Variants in AFAP1 observed in about 807,000 individuals in gnomAD.
The protein encoded by AFAP1 is actin filament associated protein 1, also known as actin filament-associated protein 1.
A neutral mutation model predicts 93.9 loss-of-function variants in AFAP1; 75 were observed. The observed-to-expected ratio is 0.80, with a 90% CI of 0.66 to 0.97. The LOEUF is 0.97. AFAP1 is among the 50% of genes least tolerant of loss of function. AFAP1 has a pLI of 0.00. For synonymous variants in AFAP1, 517 were observed against 430.7 expected, an observed-to-expected ratio of 1.20 and a Z score of -2.48; for missense variants, 1,201 against 1,050.8, an observed-to-expected ratio of 1.14 and a Z score of -1.98.
intron 2 of AFAP1, 122 bp from the exon 3 acceptor site, chr4:7,868,841 C>G: frequency 1.2e-6 from 1 of 832,094 alleles, no homozygotes; most frequent in Admixed American, 2.4e-5. Context: ...TTCTCTAATC[C>G]TTTACAACAG....
intron 16 of AFAP1, among the ~76,000 whole-genome samples, chr4:7,770,265 G>A (rs531931108): frequency 1.3e-5 from 2 of 152,330 alleles, no homozygotes; most frequent in South Asian, 4.1e-4. Context: ...CTGGAGAAGG[G>A]GCCAGAGGGA....
intron 3 of AFAP1, among the ~76,000 whole-genome samples, chr4:7,862,773 A>C (rs77205910): frequency 0.1 from 15,965 of 152,154 alleles, 1,163 homozygotes; most frequent in African/African-American, 0.21. Flanking sequence ...TATGTCCAGA[A>C]AATGCCTTGA....
At chr4:7,914,309 C>G (rs184567453) in intron 1 of AFAP1, among the ~76,000 whole-genome samples, 1 of 152,184 alleles carries the variant, frequency 6.6e-6, no homozygotes, top group Non-Finnish European at 1.5e-5. Flanking sequence ...CCCACCTCGG[C>G]CTCCCACAGT....
chr4:7,856,822 C>T (rs2149145194), intron 3 of AFAP1, among the ~76,000 whole-genome samples: 1 of 152,308 alleles, frequency 6.6e-6, no homozygotes, highest in East Asian at 1.9e-4. Context: ...AGCCAGCATT[C>T]GCCCAGCATC....
chr4:7,899,282 C>T (rs1258981955), intron 1 of AFAP1, among the ~76,000 whole-genome samples: 1 of 152,082 alleles, frequency 6.6e-6, no homozygotes, highest in Non-Finnish European at 1.5e-5. Flanking sequence ...TTTGCTTCCC[C>T]CAGGACCCCC....
intron 1 of AFAP1, among the ~76,000 whole-genome samples, chr4:7,886,751 G>A (rs1264992588): frequency 2.6e-5 from 4 of 152,206 alleles, no homozygotes; most frequent in Non-Finnish European, 2.9e-5. Context: ...TATACAGAAC[G>A]TGATAATGGG....
intron 6 of AFAP1, among the ~76,000 whole-genome samples, chr4:7,836,179 C>A (rs1712274468): frequency 6.6e-6 from 1 of 152,168 alleles, no homozygotes; most frequent in Non-Finnish European, 1.5e-5. Context: ...ACATGTAAAC[C>A]TTCAGGACCC....
intron 4 of AFAP1, among the ~76,000 whole-genome samples, chr4:7,852,997 T>A (rs1299999272): frequency 5.3e-5 from 8 of 152,146 alleles, no homozygotes; most frequent in Non-Finnish European, 1.0e-4. Context: ...CAATGGTGAA[T>A]CACGTTAGGC....
At chr4:7,863,730 C>T (rs1021655747) in intron 3 of AFAP1, among the ~76,000 whole-genome samples, 1 of 152,100 alleles carries the variant, frequency 6.6e-6, no homozygotes, top group African/African-American at 2.4e-5. Context: ...AGGTATGAAG[C>T]ACTATTAGAC....
chr4:7,787,835 C>T (rs1274180309), intron 11 of AFAP1, among the ~76,000 whole-genome samples: 1 of 152,178 alleles, frequency 6.6e-6, no homozygotes, highest in African/African-American at 2.4e-5. Context: ...CTGTGGCTTC[C>T]TGCGCTCGGT....
chr4:7,893,399 T>C (rs1228378800), intron 1 of AFAP1, among the ~76,000 whole-genome samples: 1 of 151,942 alleles, frequency 6.6e-6, no homozygotes, highest in East Asian at 1.9e-4. Context: ...GCTAACATGG[T>C]GAAACCCCGT....
rs1326780840 is a variant in AFAP1 at position 7,760,049 on chromosome 4, C to T, written c.*3716G>A. The T allele has an allele frequency of 1.3e-5, 2 of 152,220 alleles. No individual in the cohort carries two copies. The highest frequency in any genetic ancestry group is 2.9e-5 in the Non-Finnish European group (2 of 68,026). 9.4% of individuals were successfully genotyped at this position (152,220 alleles called of 1,614,324 possible). A position where few individuals can be genotyped will look rare whatever the true frequency, so the allele number is the denominator to read the frequency against. On this transcript the variant is annotated 3_prime_UTR_variant, in exon 18 of 18. Transcript: ENST00000420658. ...TGGAAAGGGAAGGTGTGGCCACAAA[C>T]AGGGGAGCTTTGCTCACAACCCTAC...
intron 9 of AFAP1, among the ~76,000 whole-genome samples, chr4:7,806,500 C>G (rs532750317): frequency 6.6e-6 from 1 of 152,324 alleles, no homozygotes; most frequent in East Asian, 1.9e-4. Context: ...GGCTCAGCAG[C>G]ACTGCACTTC....
chr4:7,772,393 CT>C (rs1715561957), intron 16 of AFAP1: 1 of 156,476 alleles, frequency 6.4e-6, no homozygotes, highest in South Asian at 2.0e-4. Context: ...CCACTTTGTT[CT>C]GTTTGATTCT....
At chr4:7,841,038 A>C (rs567495681) in intron 5 of AFAP1, among the ~76,000 whole-genome samples, 1 of 152,348 alleles carries the variant, frequency 6.6e-6, no homozygotes, top group South Asian at 2.1e-4. Flanking sequence ...GCCTCACGAG[A>C]GATATGCAAT....
At chr4:7,787,465 C>T (rs1717408309) in intron 11 of AFAP1, among the ~76,000 whole-genome samples, 1 of 152,232 alleles carries the variant, frequency 6.6e-6, no homozygotes, top group Admixed American at 6.5e-5. Flanking sequence ...AGGTGATATC[C>T]TGGACCTGTG....
chr4:7,889,345 C>G (rs28410206), intron 1 of AFAP1, among the ~76,000 whole-genome samples: 100,588 of 151,368 alleles, frequency 0.66, 33,934 homozygotes, highest in Non-Finnish European at 0.74. Flanking sequence ...TCAGGAGATC[C>G]AGATCATCCT....
Position 7,778,840 on chromosome 4 carries a change from C to T in AFAP1, c.1819G>A (p.Val607Ile), listed in dbSNP as rs767467953. 3.1e-6 allele frequency: 5 copies of T among 1,614,154 alleles called. No individual in the cohort carries two copies. Among genetic ancestry groups the T allele is most frequent in the Admixed American group, 1.7e-5 (1 of 60,028 alleles). ...GKKPPVASNG[V>I]TGKGKTLSSQ... Reference sequence around the variant, plus strand: ...CTCAGAGTCTTCCCTTTTCCTGTGACCCCATTAGACGCCACGGGGGGCTTT... The same window carrying T: ...CTCAGAGTCTTCCCTTTTCCTGTGATCCCATTAGACGCCACGGGGGGCTTT... Residue 607 changes from valine to isoleucine, a missense_variant, in exon 14 of 18, where the codon GTC becomes ATC. By Grantham distance (29) the Val-to-Ile change is conservative. Transcript: ENST00000420658.
At chr4:7,881,501 G>A (rs1717846212) in intron 1 of AFAP1, among the ~76,000 whole-genome samples, 1 of 152,248 alleles carries the variant, frequency 6.6e-6, no homozygotes, top group Non-Finnish European at 1.5e-5. Context: ...CCGGACTCTG[G>A]GCCAGGCGCG....
Sources: gnomAD v4.1 joint callset for allele counts (sites outside exome capture counted in the v4.1 genomes callset) on GRCh38, gnomAD v4.1.1 for gene constraint, MANE v1.5 for transcripts, NCBI Gene and HGNC (gene_info 2026-07-23, HGNC 2026-07-21) for gene names.